Variants in GALNT2 observed in about 807,000 individuals in gnomAD.
GALNT2 encodes the protein UDP-GalNAc:polypeptide N-acetylgalactosaminyltransferase 2.
GALNT2 carries 31 observed loss-of-function variants against 81.4 expected under a neutral mutation model. The observed-to-expected ratio is 0.38, with a 90% CI of 0.29 to 0.51. The LOEUF (loss-of-function observed/expected upper bound fraction) is 0.51. Ranked by LOEUF, GALNT2 falls within the 20% of genes least tolerant of loss-of-function variation. The pLI is 0.87. For synonymous variants in GALNT2, 303 were observed against 287.4 expected (o/e 1.05, Z -0.55); for missense variants, 629 against 765.7 (o/e 0.82, Z 2.11).
chr1:230,212,735 A>G (rs1043905772), intron 3 of GALNT2, among the ~76,000 whole-genome samples: 2 of 152,150 alleles, frequency 1.3e-5, no homozygotes, highest in Non-Finnish European at 2.9e-5. Flanking sequence ...AAGCCATGTC[A>G]TTATTCATCA....
chr1:230,268,770 G>C (rs867538847), intron 14 of GALNT2, among the ~76,000 whole-genome samples: 10 of 152,174 alleles, frequency 6.6e-5, no homozygotes, highest in Non-Finnish European at 1.5e-4. Context: ...CTGCCCTCAG[G>C]AGGACAGCCT....
intron 1 of GALNT2, among the ~76,000 whole-genome samples, chr1:230,137,866 G>A (rs1468607207): frequency 6.6e-6 from 1 of 152,172 alleles, no homozygotes; most frequent in Admixed American, 6.5e-5. Flanking sequence ...TTTGATTTCT[G>A]TTGACGTTGT....
At chr1:230,074,019 C>T (rs1022984225) in intron 1 of GALNT2, among the ~76,000 whole-genome samples, 3 of 151,870 alleles carry the variant, frequency 2.0e-5, no homozygotes, top group Admixed American at 6.6e-5. Context: ...TGCATTTGGG[C>T]AGGGACAAGG....
At chr1:230,212,387 G>C (rs961968190) in intron 3 of GALNT2, among the ~76,000 whole-genome samples, 7 of 152,146 alleles carry the variant, frequency 4.6e-5, no homozygotes, top group Non-Finnish European at 1.0e-4. Context: ...CACGTTGATG[G>C]GATGCTGAGA....
intron 11 of GALNT2, among the ~76,000 whole-genome samples, chr1:230,256,354 G>A (rs953756632): frequency 6.6e-6 from 1 of 151,494 alleles, no homozygotes; most frequent in Non-Finnish European, 1.5e-5. Context: ...GCTGAGGCAG[G>A]AAAATCGCTT....
chr1:230,191,967 C>G (rs1007147662), intron 2 of GALNT2, among the ~76,000 whole-genome samples: 23 of 152,346 alleles, frequency 1.5e-4, no homozygotes, highest in African/African-American at 4.8e-4. Context: ...ATTTTCACAC[C>G]TGGAGAGATG....
Position 230,243,629 on chromosome 1 carries a change from A to C in GALNT2, c.729+202A>C, listed in dbSNP as rs1168824665. On this transcript the variant is annotated intron_variant, in intron 7 of 15. Transcript: ENST00000366672. This position sits in a 1 kb window ranked among gnomAD's most constrained non-coding sequence, Gnocchi z 4.2. The stretch of plus-strand genomic sequence containing the variant: ...GAAAGACTGTTTTACTGGCTGTAGG[A>C]ATCCATCAGTAGGAGGAACCATCCG... 6.6e-6 allele frequency among the ~76,000 whole-genome samples: 1 copy of C among 152,192 alleles called. No homozygotes were observed. The highest frequency in any genetic ancestry group is 1.5e-5 in the Non-Finnish European group (1 of 68,042).
chr1:230,076,609 C>G (rs1222777053), intron 1 of GALNT2, among the ~76,000 whole-genome samples: 1 of 152,136 alleles, frequency 6.6e-6, no homozygotes, highest in Non-Finnish European at 1.5e-5. Context: ...GGAGATGTGA[C>G]TTCATGGCCA....
At chr1:230,140,945 A>G (rs1661710904) in intron 1 of GALNT2, among the ~76,000 whole-genome samples, 1 of 152,266 alleles carries the variant, frequency 6.6e-6, no homozygotes, top group Admixed American at 6.5e-5. Flanking sequence ...TAGTTCTGAA[A>G]TAGCTATATT....
At chr1:230,238,553 T>A (rs974838752) in intron 6 of GALNT2, among the ~76,000 whole-genome samples, 37 of 152,230 alleles carry the variant, frequency 2.4e-4, no homozygotes, top group African/African-American at 8.0e-4. Context: ...TTACAGCTAT[T>A]TAATGACAAT....
At chr1:230,138,883 T>C (rs73109853) in intron 1 of GALNT2, among the ~76,000 whole-genome samples, 3,485 of 152,264 alleles carry the variant, frequency 0.023, 85 homozygotes, top group African/African-American at 0.066. Context: ...TTTGGCAGCT[T>C]CTTCACTGCA....
At chr1:230,142,476 A>G (rs1401086427) in intron 1 of GALNT2, among the ~76,000 whole-genome samples, 1 of 152,174 alleles carries the variant, frequency 6.6e-6, no homozygotes, top group Non-Finnish European at 1.5e-5. Context: ...GATCTGGGGC[A>G]AGTAACTTAA....
chr1:230,141,505 ACTC>A (rs1380766089), intron 1 of GALNT2, among the ~76,000 whole-genome samples: 3 of 151,284 alleles, frequency 2.0e-5, no homozygotes, highest in East Asian at 3.9e-4. Flanking sequence ...CATGAATTTG[ACTC>A]CTCTAGGTCC....
At chr1:230,269,146 C>CT (rs546120149) in intron 14 of GALNT2, among the ~76,000 whole-genome samples, 6,959 of 118,284 alleles carry the variant, frequency 0.059, 641 homozygotes, top group African/African-American at 0.16. Context: ...TTTTTTTTTT[C>CT]TTTTTTTTTT....
chr1:230,171,393 A>G (rs376783539), intron 1 of GALNT2, among the ~76,000 whole-genome samples: 29 of 152,310 alleles, frequency 1.9e-4, no homozygotes, highest in African/African-American at 6.7e-4. Context: ...TTTTTCCCCA[A>G]AACTTGAGGG....
At chr1:230,168,772 G>C (rs1376284783) in intron 1 of GALNT2, among the ~76,000 whole-genome samples, 1 of 152,148 alleles carries the variant, frequency 6.6e-6, no homozygotes, top group Admixed American at 6.5e-5. Context: ...ATCATACCAA[G>C]TTTCCCTGTT....
intron 3 of GALNT2, among the ~76,000 whole-genome samples, chr1:230,230,645 G>A (rs1196542065): frequency 6.6e-6 from 1 of 152,236 alleles, no homozygotes; most frequent in Admixed American, 6.5e-5. Context: ...GAAAGTGCCT[G>A]TGGAGGCTTG....
Position 230,265,378 on chromosome 1 carries a change from G to T in GALNT2, c.1440+11G>T. The T allele has an allele frequency of 1.2e-6, 2 of 1,614,176 alleles. No homozygotes were observed. The highest frequency in any genetic ancestry group is 1.7e-6 in the Non-Finnish European group (2 of 1,180,024). On this transcript the variant is annotated intron_variant, in intron 14 of 15. Transcript: ENST00000366672. The stretch of plus-strand genomic sequence containing the variant: ...GCTGGGGGAAACCAGGTATGTGCAT[G>T]GGGAAGCCAGGTCACCTGCAGGCCC...
chr1:230,236,065 C>G lies in GALNT2; in HGVS notation c.426C>G (p.Ile142Met). Reference sequence around the variant, plus strand: ...ATCTGCCGGCCACCAGCGTGGTGATCACGTTTCACAATGAAGCCAGGTCGG... The same window carrying G: ...ATCTGCCGGCCACCAGCGTGGTGATGACGTTTCACAATGAAGCCAGGTCGG... ...RVDLPATSVV[I>M]TFHNEARSAL... Residue 142 changes from isoleucine to methionine, a missense_variant, in exon 4 of 16, where the codon ATC becomes ATG. By Grantham distance (10) the Ile-to-Met change is conservative. Around this residue, in one of 3 missense-constraint regions of GALNT2, gnomAD observed 360 missense variants for 492.8 expected, o/e 0.73. Coordinates refer to ENST00000366672, the MANE Select transcript of GALNT2 (RefSeq NM_004481.5). 2.5e-6 allele frequency: 4 copies of G among 1,613,994 alleles called. No individual in the cohort carries two copies. Among genetic ancestry groups the G allele is most frequent in the Non-Finnish European group, 3.4e-6 (4 of 1,180,012 alleles).
Sources: allele counts gnomAD v4.1 joint callset (sites outside exome capture counted in the v4.1 genomes callset), GRCh38; gene constraint gnomAD v4.1.1; regional missense constraint gnomAD v4.1.1; non-coding constraint Gnocchi (gnomAD v3.1); transcripts MANE v1.5; gene names NCBI Gene and HGNC (gene_info 2026-07-23, HGNC 2026-07-21).